Variants in NMRAL1 observed in about 807,000 individuals in gnomAD.
NMRAL1 encodes nmrA-like family domain-containing protein 1.
In NMRAL1, 32 loss-of-function variants were observed where a neutral mutation model predicts 27.5. That is an observed-to-expected ratio of 1.16 (90% confidence interval 0.88 to 1.56). The LOEUF is 1.56. Among genes scored for constraint, NMRAL1 ranks in the 40% most tolerant of loss-of-function variants. The probability of loss-of-function intolerance (pLI) is 0.00; values close to 1 mark genes in which losing one functional copy is unlikely to be tolerated. For missense variants in NMRAL1, 420 were observed against 392.0 expected (o/e 1.07, Z -0.60); for synonymous variants, 166 against 166.8 (o/e 1.00, Z 0.04).
intron 2 of NMRAL1, among the ~76,000 whole-genome samples, chr16:4,472,884 C>G (rs2057632297): frequency 6.6e-6 from 1 of 151,832 alleles, no homozygotes; most frequent in Non-Finnish European, 1.5e-5. Flanking sequence ...ATAGACAAAT[C>G]CATAGAAACC....
At chr16:4,475,873 G>C (rs1208310657), upstream of NMRAL1, 1 of 152,104 alleles carries the variant, frequency 6.6e-6, no homozygotes, top group African/African-American at 2.4e-5. Context: ...CGGGAGAAGG[G>C]GGTTGCAGTG....
chr16:4,463,143 C>T (rs1418402785), intron 5 of NMRAL1, among the ~76,000 whole-genome samples: 6 of 152,220 alleles, frequency 3.9e-5, no homozygotes, highest in African/African-American at 1.4e-4. Flanking sequence ...GCGTGAGCTA[C>T]TGCACCCAGC....
chr16:4,474,043 G>C (rs1051931290), intron 2 of NMRAL1, 50 bp downstream of exon 2: 1 of 1,511,894 alleles, frequency 6.6e-7, no homozygotes, highest in African/African-American at 1.4e-5. Flanking sequence ...GCGGTCTTCA[G>C]GGCTAGGCGC....
Position 4,474,081 on chromosome 16 carries a change from G to A in NMRAL1, c.40+12C>T. On this transcript the variant is annotated intron_variant, in intron 2 of 5. Transcript: ENST00000283429. Reference sequence around the variant, plus strand: ...TGGCTCTGCAAGGGCCCCAGTCTGGGGTTTGGCTCACCTGTGCCTCCGAAA... The same window carrying A: ...TGGCTCTGCAAGGGCCCCAGTCTGGAGTTTGGCTCACCTGTGCCTCCGAAA... 7 of 1,609,798 alleles carry A rather than the reference G, an allele frequency of 4.3e-6. No individual in the cohort carries two copies. Among genetic ancestry groups the A allele is most frequent in the Non-Finnish European group, 5.9e-6 (7 of 1,177,168 alleles).
rs1268285076 is a variant in NMRAL1, at chr16:4,468,239, T to C, written c.279+988A>G. On this transcript the variant is annotated intron_variant, in intron 3 of 5. Transcript: ENST00000283429. The stretch of plus-strand genomic sequence containing the variant: ...ATAACTTGAACCCAGGAGGCGGAGG[T>C]TGCGGTGAGCCAAGATTGCGCCATT... 4.0e-5 allele frequency among the ~76,000 whole-genome samples: 6 copies of C among 151,712 alleles called. No individual in the cohort carries two copies. The East Asian group carries it at 7.8e-4, about 20-fold the overall frequency.
chr16:4,466,011 C>G (rs1349036514), intron 4 of NMRAL1, 142 bp downstream of exon 4: 5 of 932,624 alleles, frequency 5.4e-6, no homozygotes, highest in Non-Finnish European at 8.1e-6. Context: ...CGCAAGCTGA[C>G]AGGATGTGCT....
At chr16:4,471,875 G>C (rs2057579087) in intron 2 of NMRAL1, among the ~76,000 whole-genome samples, 1 of 151,946 alleles carries the variant, frequency 6.6e-6, no homozygotes, top group African/African-American at 2.4e-5. Context: ...AGGAGTTTGA[G>C]ACCAGCCTAG....
At position 4,461,742 on chromosome 16, in the gene NMRAL1, T is replaced by A. The variant is rs200534634; in HGVS notation, c.*38A>T. The A allele has an allele frequency of 1.4e-4, 223 of 1,555,168 alleles. No homozygotes were observed. The African/African-American group carries it at 2.9e-3, about 20-fold the overall frequency. Reference sequence around the variant, plus strand: ...GATGTTGGTGCCTCTGCCCCTCTGGTGCCCCCGATCCCCACAAGGGGCCGC... The same window carrying A: ...GATGTTGGTGCCTCTGCCCCTCTGGAGCCCCCGATCCCCACAAGGGGCCGC... On this transcript the variant is annotated 3_prime_UTR_variant, in exon 6 of 6. Coordinates refer to ENST00000283429, the MANE Select transcript of NMRAL1 (RefSeq NM_020677.6).
At chr16:4,465,547 GTTTT>G (rs1221359476) in intron 4 of NMRAL1, among the ~76,000 whole-genome samples, 1 of 151,790 alleles carries the variant, frequency 6.6e-6, no homozygotes, top group Admixed American at 6.6e-5. Context: ...CTCGTCTTTG[GTTTT>G]TTTGTTTTGT....
intron 4 of NMRAL1, among the ~76,000 whole-genome samples, chr16:4,464,617 T>G (rs900317874): frequency 6.7e-5 from 10 of 148,270 alleles, no homozygotes; most frequent in African/African-American, 2.2e-4. Flanking sequence ...GCAGGTTTTT[T>G]TTTTTTTTTT....
At chr16:4,462,043 C>G in intron 5 of NMRAL1, 84 bp from the exon 6 acceptor site, 5 of 1,127,122 alleles carry the variant, frequency 4.4e-6, no homozygotes, top group South Asian at 1.4e-5. Flanking sequence ...GGGCTGGGGT[C>G]TCCCGACCTG....
intron 2 of NMRAL1, among the ~76,000 whole-genome samples, chr16:4,473,880 C>T (rs565892955): frequency 2.6e-4 from 40 of 151,980 alleles, no homozygotes; most frequent in Admixed American, 6.6e-4. Context: ...GAGCCGAGAT[C>T]GTGCCATCGC....
intron 1 of NMRAL1, 100 bp from the exon 2 acceptor site, chr16:4,474,266 A>G: frequency 5.9e-6 from 5 of 840,846 alleles, no homozygotes; most frequent in Non-Finnish European, 9.5e-6. Flanking sequence ...TATGTGTCGA[A>G]GGGGGCGGCT....
chr16:4,464,164 G>A (rs561868045), intron 4 of NMRAL1: 13 of 440,394 alleles, frequency 3.0e-5, no homozygotes, highest in East Asian at 2.1e-4. Context: ...TAGGATGACA[G>A]AGAAGGGACA....
At chr16:4,473,984 G>A (rs1333422069) in intron 2 of NMRAL1, 109 bp downstream of exon 2, 3 of 777,588 alleles carry the variant, frequency 3.9e-6, no homozygotes, top group East Asian at 2.8e-5. Context: ...GCCCCAACCT[G>A]GGTCGGGGGT....
At chr16:4,464,903 A>G (rs1596385463) in intron 4 of NMRAL1, among the ~76,000 whole-genome samples, 1 of 147,116 alleles carries the variant, frequency 6.8e-6, no homozygotes, top group South Asian at 2.1e-4. Context: ...GGCGTAAGCC[A>G]CCGTGCCCGG....
At chr16:4,469,139 C>G (rs3747585) in intron 3 of NMRAL1, 88 bp downstream of exon 3, 593,514 of 845,618 alleles carry the variant, frequency 0.7, 211,225 homozygotes, top group Non-Finnish European at 0.74. Context: ...GCCTGCAGTG[C>G]TCCAACCTCC....
chr16:4,474,301 T>G, intron 1 of NMRAL1, 135 bp from the exon 2 acceptor site: 1 of 612,248 alleles, frequency 1.6e-6, no homozygotes, highest in South Asian at 2.0e-5. Context: ...AAGACGCCTG[T>G]CCCGAGATAT....
In NMRAL1 at chr16:4,461,720, G is replaced by C. The variant is rs1419146117; in HGVS notation, c.*60C>G. The C allele has an allele frequency of 6.8e-7, 1 of 1,462,748 alleles. No homozygotes were observed. Among genetic ancestry groups the C allele is most frequent in the Non-Finnish European group, 9.3e-7 (1 of 1,076,256 alleles). The allele number at this position is 1,462,748 out of a possible 1,614,324, so 90.6% of individuals were successfully genotyped here. A position where few individuals can be genotyped will look rare whatever the true frequency, so the allele number is the denominator to read the frequency against. On this transcript the variant is annotated 3_prime_UTR_variant, in exon 6 of 6. Coordinates refer to ENST00000283429, the MANE Select transcript of NMRAL1 (RefSeq NM_020677.6). ...GGGAGAACAATGGCTTTATTCAGAT[G>C]TTGGTGCCTCTGCCCCTCTGGTGCC...
Sources: allele counts gnomAD v4.1 joint callset (sites outside exome capture counted in the v4.1 genomes callset), GRCh38; gene constraint gnomAD v4.1.1; transcripts MANE v1.5; gene names NCBI Gene and HGNC (gene_info 2026-07-23, HGNC 2026-07-21).